Variants in PRKG1 observed in about 807,000 individuals in gnomAD.
PRKG1 encodes protein kinase cGMP-dependent 1, also known as cGMP-dependent protein kinase 1.
PRKG1 carries 35 observed loss-of-function variants against 88.1 expected under a neutral mutation model. The observed-to-expected ratio is 0.40, with a 90% CI of 0.30 to 0.53. The LOEUF is 0.53. Among genes scored for constraint, PRKG1 ranks in the 20% least tolerant of loss-of-function variants. PRKG1 has a pLI of 0.59. For synonymous variants in PRKG1, 303 were observed against 292.5 expected (o/e 1.04, Z -0.37); for missense variants, 540 against 839.8 (o/e 0.64, Z 4.41).
chr10:51,102,144 G>A (rs1454413800), intron 1 of PRKG1, among the ~76,000 whole-genome samples: 2 of 152,156 alleles, frequency 1.3e-5, no homozygotes, highest in East Asian at 1.9e-4. Context: ...AATACAATAT[G>A]CAAGTGACCT....
At chr10:52,091,500 A>G (rs1847055248) in intron 7 of PRKG1, among the ~76,000 whole-genome samples, 1 of 152,216 alleles carries the variant, frequency 6.6e-6, no homozygotes, top group South Asian at 2.1e-4. Context: ...AATTCTGCCT[A>G]CCACAATAAC....
intron 8 of PRKG1, among the ~76,000 whole-genome samples, chr10:52,143,937 T>A (rs1342815355): frequency 6.6e-6 from 1 of 152,188 alleles, no homozygotes; most frequent in Non-Finnish European, 1.5e-5. Flanking sequence ...TTGGATTAAC[T>A]CTTGGTCCAA....
intron 1 of PRKG1, among the ~76,000 whole-genome samples, chr10:51,079,884 T>C (rs529366388): frequency 1.4e-3 from 217 of 152,276 alleles, no homozygotes; most frequent in African/African-American, 5.1e-3. Flanking sequence ...AAGTTCCAAG[T>C]TCCTTTTTCC....
chr10:51,557,092 T>C (rs2132140889), intron 3 of PRKG1, among the ~76,000 whole-genome samples: 1 of 152,158 alleles, frequency 6.6e-6, no homozygotes, highest in African/African-American at 2.4e-5. Context: ...ATGCGTATAG[T>C]CATGCTTCTA....
At chr10:52,137,887 G>A (rs747438133) in intron 8 of PRKG1, among the ~76,000 whole-genome samples, 8 of 152,044 alleles carry the variant, frequency 5.3e-5, no homozygotes, top group Non-Finnish European at 8.8e-5. Flanking sequence ...ACCGTTATGG[G>A]AAGCTGTTTA....
intron 5 of PRKG1, among the ~76,000 whole-genome samples, chr10:51,981,577 C>T (rs964291852): frequency 1.3e-5 from 2 of 151,940 alleles, no homozygotes; most frequent in African/African-American, 2.4e-5. Context: ...CAGAACAAGA[C>T]TCTGTCTCAA....
chr10:51,955,863 T>A (rs1051638538), intron 5 of PRKG1, among the ~76,000 whole-genome samples: 2 of 152,160 alleles, frequency 1.3e-5, no homozygotes, highest in African/African-American at 4.8e-5. Context: ...GAACATGCCT[T>A]CCTTTTGTGC....
Position 52,290,296 on chromosome 10 carries a change from T to C in PRKG1, c.1962+6T>C, listed in dbSNP as rs1842210923. 2 of 1,599,182 alleles carry C rather than the reference T, an allele frequency of 1.3e-6. No individual in the cohort carries two copies. The highest frequency in any genetic ancestry group is 1.7e-6 in the Non-Finnish European group (2 of 1,167,882). On this transcript the variant is annotated splice_donor_region_variant and intron_variant, in intron 17 of 17. Coordinates refer to ENST00000373980, the MANE Select transcript of PRKG1 (RefSeq NM_006258.4). ...CACCTCCTATAATACCAAGTGTAAG[T>C]AGACTTTCCAGCTTATAATTGTGTG...
chr10:51,390,848 G>A (rs1241119111), intron 2 of PRKG1, among the ~76,000 whole-genome samples: 1 of 151,856 alleles, frequency 6.6e-6, no homozygotes, highest in African/African-American at 2.4e-5. Flanking sequence ...GTTACCTACA[G>A]GGTAGAGGCC....
At chr10:51,488,708 A>G (rs533242815) in intron 3 of PRKG1, among the ~76,000 whole-genome samples, 1 of 152,274 alleles carries the variant, frequency 6.6e-6, no homozygotes, top group Admixed American at 6.5e-5. Flanking sequence ...ACACACACAC[A>G]CATCATCTAG....
intron 2 of PRKG1, among the ~76,000 whole-genome samples, chr10:51,309,312 G>T (rs1416721412): frequency 6.6e-6 from 1 of 152,108 alleles, no homozygotes; most frequent in Non-Finnish European, 1.5e-5. Context: ...CCTACAGAAT[G>T]GGAGAAAATA....
intron 3 of PRKG1, among the ~76,000 whole-genome samples, chr10:51,493,848 A>G (rs1332200192): frequency 6.6e-6 from 1 of 152,158 alleles, no homozygotes; most frequent in African/African-American, 2.4e-5. Flanking sequence ...TGAATGGTCC[A>G]TTGTGAGAAA....
chr10:52,142,139 C>A (rs1837597564), intron 8 of PRKG1, among the ~76,000 whole-genome samples: 1 of 152,020 alleles, frequency 6.6e-6, no homozygotes, highest in South Asian at 2.1e-4. Context: ...TTTTCCGAAT[C>A]CTTTAGTTTA....
chr10:51,795,784 G>T (rs141310281), intron 3 of PRKG1, among the ~76,000 whole-genome samples: 82 of 152,184 alleles, frequency 5.4e-4, no homozygotes, highest in African/African-American at 1.8e-3. Context: ...TGAAGTAGGA[G>T]AAAAAGCTAA....
intron 3 of PRKG1, among the ~76,000 whole-genome samples, chr10:51,524,158 C>A (rs1841813459): frequency 6.6e-6 from 1 of 152,114 alleles, no homozygotes. Context: ...AGCTCTGAGG[C>A]CCCCTCAGAA....
At position 51,881,062 on chromosome 10, in the gene PRKG1, G is replaced by T. The variant is rs1184274547; in HGVS notation, c.699-26445G>T. ...TAGTATGTGGGATGGGTGGGGGAGG[G>T]GCCTCTGGAAGCATAGTTCAGGTAA... is the stretch of plus-strand genomic sequence containing the variant. On this transcript the variant is annotated intron_variant, in intron 4 of 17. Transcript: ENST00000373980. 2.6e-5 allele frequency among the ~76,000 whole-genome samples: 4 copies of T among 151,838 alleles called. No individual in the cohort carries two copies. In the South Asian group the frequency reaches 8.3e-4, roughly 32 times the overall value.
chr10:51,539,254 A>T (rs1219519159), intron 3 of PRKG1, among the ~76,000 whole-genome samples: 3 of 152,162 alleles, frequency 2.0e-5, no homozygotes, highest in African/African-American at 7.2e-5. Context: ...TCATTGTAAA[A>T]AAGTGATGGA....
At chr10:51,152,804 T>C (rs1400535714) in intron 1 of PRKG1, among the ~76,000 whole-genome samples, 1 of 152,022 alleles carries the variant, frequency 6.6e-6, no homozygotes, top group Non-Finnish European at 1.5e-5. Flanking sequence ...TATTCATGTT[T>C]ATTCTTAAAC....
chr10:52,175,556 T>A (rs568602383), intron 9 of PRKG1, among the ~76,000 whole-genome samples: 1 of 152,108 alleles, frequency 6.6e-6, no homozygotes, highest in Non-Finnish European at 1.5e-5. Flanking sequence ...TTTAGTTTTT[T>A]TCGTGGAACT....
Sources: allele counts gnomAD v4.1 joint callset (sites outside exome capture counted in the v4.1 genomes callset), GRCh38; gene constraint gnomAD v4.1.1; transcripts MANE v1.5; gene names NCBI Gene and HGNC (gene_info 2026-07-23, HGNC 2026-07-21).